The following OR2Z1 variants were observed in gnomAD, a reference collection of about 807,000 sequenced individuals.
OR2Z1 encodes the protein olfactory receptor family 2 subfamily Z member 1, also known as olfactory receptor 2Z1.
For synonymous variants in OR2Z1, 188 were observed against 160.6 expected, an observed-to-expected ratio of 1.17 and a Z score of -1.29; for missense variants, 449 against 401.8, an observed-to-expected ratio of 1.12 and a Z score of -1.00.
At chr19:8,724,835 A>G (rs1325169579) in intron 2 of OR2Z1, among the ~76,000 whole-genome samples, 1 of 152,144 alleles carries the variant, frequency 6.6e-6, no homozygotes, top group Non-Finnish European at 1.5e-5. Context: ...CCTTGCTTCC[A>G]AAACACAGCT....
rs2043354181 is a variant in OR2Z1, at chr19:8,731,404, G to C, written c.376G>C (p.Val126Leu). The C allele has an allele frequency of 6.2e-7, 1 of 1,614,140 alleles. No homozygotes were observed. Among genetic ancestry groups the C allele is most frequent in the Non-Finnish European group, 8.5e-7 (1 of 1,180,026 alleles). Residue 126 changes from valine to leucine, a missense_variant, in exon 3 of 3, where the codon GTG becomes CTG. Transcript: ENST00000641125. ...VLMSYDRYVA[V>L]CQPLQYPVLM... ...CATGTCTTATGACCGTTATGTTGCT[G>C]TGTGCCAGCCCCTGCAGTATCCTGT...
chr19:8,727,703 C>A (rs576001884), intron 2 of OR2Z1, among the ~76,000 whole-genome samples: 1 of 152,318 alleles, frequency 6.6e-6, no homozygotes, highest in East Asian at 1.9e-4. Flanking sequence ...CCTGTCTCTA[C>A]TAAAAATACA....
rs1226607086 is a variant in OR2Z1, at chr19:8,731,627, C to T, written c.599C>T (p.Ser200Phe). 1.2e-6 allele frequency: 2 copies of T among 1,614,012 alleles called. No homozygotes were observed. The highest frequency in any genetic ancestry group is 2.7e-5 in the African/African-American group (2 of 74,906). Residue 200 changes from serine to phenylalanine, a missense_variant, in exon 3 of 3, where the codon TCC becomes TTC. By Grantham distance (155) the Ser-to-Phe change is radical (BLOSUM62 -2). Coordinates refer to ENST00000641125, the MANE Select transcript of OR2Z1 (RefSeq NM_001004699.3). ...ADTCAYEMALSTSGVLILMLP... is the reference protein window; with the variant it reads ...ADTCAYEMALFTSGVLILMLP... ...ACCTGTGCCTACGAGATGGCGCTGT[C>T]CACCTCAGGGGTGCTGATCCTAATG...
intron 2 of OR2Z1, among the ~76,000 whole-genome samples, chr19:8,726,212 G>T (rs1051084092): frequency 6.6e-6 from 1 of 152,090 alleles, no homozygotes; most frequent in African/African-American, 2.4e-5. Flanking sequence ...TGATCGGCCC[G>T]CCTTGGCCTC....
chr19:8,728,504 A>G (rs1361474858), intron 2 of OR2Z1, among the ~76,000 whole-genome samples: 1 of 152,050 alleles, frequency 6.6e-6, no homozygotes. Flanking sequence ...TCCTGCTGTC[A>G]TTGTGCCTCT....
At chr19:8,723,421 A>G (rs576128887) in intron 2 of OR2Z1, among the ~76,000 whole-genome samples, 2 of 152,136 alleles carry the variant, frequency 1.3e-5, no homozygotes, top group Non-Finnish European at 1.5e-5. Flanking sequence ...ATCATCATGC[A>G]TGTATTTTTA....
chr19:8,722,803 G>A (rs1347149219), intron 1 of OR2Z1, among the ~76,000 whole-genome samples: 2 of 152,044 alleles, frequency 1.3e-5, no homozygotes, highest in African/African-American at 2.4e-5. Context: ...CTGGGATTAA[G>A]GGACCAGCCT....
intron 2 of OR2Z1, among the ~76,000 whole-genome samples, chr19:8,726,293 T>C (rs2043327105): frequency 6.6e-6 from 1 of 152,176 alleles, no homozygotes; most frequent in Admixed American, 6.5e-5. Flanking sequence ...TGACCAGATC[T>C]CGCAAGAACT....
chr19:8,722,375 T>A (rs2043310958), intron 1 of OR2Z1, among the ~76,000 whole-genome samples: 1 of 152,152 alleles, frequency 6.6e-6, no homozygotes, highest in Admixed American at 6.5e-5. Context: ...AGATCATGCC[T>A]GGTCATAACG....
At chr19:8,724,345 C>G (rs1270973745) in intron 2 of OR2Z1, among the ~76,000 whole-genome samples, 1 of 152,062 alleles carries the variant, frequency 6.6e-6, no homozygotes, top group Non-Finnish European at 1.5e-5. Context: ...AAGTGAGCCT[C>G]CCACCTTAGC....
chr19:8,730,698 G>T (rs191912675), intron 2 of OR2Z1, among the ~76,000 whole-genome samples, 162 bp from the exon 3 acceptor site: 1 of 152,118 alleles, frequency 6.6e-6, no homozygotes, highest in Admixed American at 6.6e-5. Context: ...GATTACAGGC[G>T]TGAGGCACCA....
chr19:8,728,015 T>C (rs887297347), intron 2 of OR2Z1, among the ~76,000 whole-genome samples: 2 of 152,256 alleles, frequency 1.3e-5, no homozygotes, highest in Admixed American at 6.5e-5. Flanking sequence ...GCCCTGGTCA[T>C]ATAGCCCAAA....
chr19:8,722,905 G>A (rs370917368), intron 1 of OR2Z1, among the ~76,000 whole-genome samples: 3 of 152,054 alleles, frequency 2.0e-5, no homozygotes, highest in African/African-American at 4.8e-5. Flanking sequence ...CCAGCTACTC[G>A]GGAGGCTGAG....
intron 2 of OR2Z1, among the ~76,000 whole-genome samples, chr19:8,730,442 T>A (rs559897484): frequency 1.3e-5 from 2 of 151,934 alleles, no homozygotes; most frequent in Non-Finnish European, 2.9e-5. Context: ...TTTTTTGAGA[T>A]GGAGTCTCGC....
intron 2 of OR2Z1, chr19:8,729,255 A>C: frequency 1.6e-6 from 1 of 606,442 alleles, no homozygotes; most frequent in South Asian, 1.7e-5. Context: ...TTCCCTCTGA[A>C]GTCCCCAGTG....
At chr19:8,729,524 C>T (rs570805246) in intron 2 of OR2Z1, among the ~76,000 whole-genome samples, 1 of 151,642 alleles carries the variant, frequency 6.6e-6, no homozygotes, top group East Asian at 1.9e-4. Flanking sequence ...GATCCTCCTG[C>T]CGTAGCCTCC....
At chr19:8,729,199 C>A in intron 2 of OR2Z1, 2 of 780,842 alleles carry the variant, frequency 2.6e-6, no homozygotes, top group East Asian at 2.7e-5. Flanking sequence ...TTGCTTTCGG[C>A]GCCATCTTGT....
At chr19:8,730,058 T>C (rs1254250632) in intron 2 of OR2Z1, among the ~76,000 whole-genome samples, 1 of 152,320 alleles carries the variant, frequency 6.6e-6, no homozygotes, top group African/African-American at 2.4e-5. Flanking sequence ...GTCTATATAC[T>C]ACATTTAAAA....
chr19:8,726,286 C>G (rs782552060), intron 2 of OR2Z1, among the ~76,000 whole-genome samples: 31 of 152,092 alleles, frequency 2.0e-4, no homozygotes, highest in Non-Finnish European at 4.0e-4. Flanking sequence ...CTTTTAATGA[C>G]CAGATCTCGC....
Sources: allele counts gnomAD v4.1 joint callset (sites outside exome capture counted in the v4.1 genomes callset), GRCh38; gene constraint gnomAD v4.1.1; transcripts MANE v1.5; gene names NCBI Gene and HGNC (gene_info 2026-07-23, HGNC 2026-07-21).